Variants in DNAH3 observed in about 807,000 individuals in gnomAD.
DNAH3 encodes axonemal beta dynein heavy chain 3.
DNAH3 carries 332 observed loss-of-function variants against 432.5 expected under a neutral mutation model. That is an observed-to-expected ratio of 0.77 (90% CI 0.70 to 0.84). The LOEUF (loss-of-function observed/expected upper bound fraction) is 0.84. Among genes scored for constraint, DNAH3 ranks in the 40% least tolerant of loss-of-function variants. The pLI is 0.00. For missense variants in DNAH3, 4,861 were observed against 5,114.0 expected (o/e 0.95, Z 1.51); for synonymous variants, 1,956 against 1,900.2 (o/e 1.03, Z -0.76).
At chr16:21,095,958 T>C (rs925975639) in intron 18 of DNAH3, among the ~76,000 whole-genome samples, 1 of 152,036 alleles carries the variant, frequency 6.6e-6, no homozygotes, top group Non-Finnish European at 1.5e-5. Flanking sequence ...TTAGTAGAAA[T>C]AAGGTCTTGC....
intron 1 of DNAH3, among the ~76,000 whole-genome samples, chr16:21,152,956 C>T (rs1342978198): frequency 6.6e-6 from 1 of 152,212 alleles, no homozygotes; most frequent in Non-Finnish European, 1.5e-5. Flanking sequence ...CCAGTCCCAC[C>T]GACCACCCAA....
chr16:20,985,035 T>TTTC lies in DNAH3; in HGVS notation c.7665+39_7665+41dup. The TTTC allele has an allele frequency of 6.4e-7, 1 of 1,573,802 alleles. No individual in the cohort carries two copies. The highest frequency in any genetic ancestry group is 2.3e-4 in the Middle Eastern group (1 of 4,388). ...CCAGAAGAACAAGGGCAAATGGAGT[T>TTTC]TTCTTCTTCTTACCGAGGACAATGT... On this transcript the variant is annotated intron_variant, in intron 48 of 61. Coordinates refer to ENST00000261383, the Ensembl canonical transcript of DNAH3.
chr16:21,007,589 C>A (rs2087374245), intron 41 of DNAH3, among the ~76,000 whole-genome samples: 2 of 152,102 alleles, frequency 1.3e-5, no homozygotes, highest in African/African-American at 2.4e-5. Context: ...ATTATCATCA[C>A]TCTATATATT....
Position 20,987,321 on chromosome 16 carries a change from T to C in DNAH3, c.7010A>G (p.Lys2337Arg), listed in dbSNP as rs373150612. 6.1e-5 allele frequency: 98 copies of C among 1,614,080 alleles called. No homozygotes were observed. The highest frequency in any genetic ancestry group is 7.4e-5 in the Non-Finnish European group (87 of 1,180,040). The change falls in exon 47 of 62, where the codon AAG becomes AGG. Residue 2337 changes from lysine to arginine, a missense_variant. Physicochemically the swap from Lys to Arg is conservative, Grantham distance 26. Transcript: ENST00000261383. Reference sequence around the variant, plus strand: ...CTGGTTTACCTTCTCTATGGTCTGCTTGAAGCAATTGGAGGTGGTTTCCTT... The same window carrying C: ...CTGGTTTACCTTCTCTATGGTCTGCCTGAAGCAATTGGAGGTGGTTTCCTT...
At chr16:21,086,525 T>C (rs1236920414) in intron 19 of DNAH3, among the ~76,000 whole-genome samples, 1 of 152,164 alleles carries the variant, frequency 6.6e-6, no homozygotes, top group Non-Finnish European at 1.5e-5. Context: ...ACATCCCTGT[T>C]GCACCTTGGA....
Position 20,969,775 on chromosome 16 carries a change from G to A in DNAH3, c.8458+17C>T, listed in dbSNP as rs1335216915. 6.2e-7 allele frequency: 1 copy of A among 1,613,872 alleles called. No homozygotes were observed. ...AAAGAGCAGCCTGTGCAGGCATCTGGGTGGGGTGGCACTTACCGGAGCCAC... is the reference window on the plus strand; with the variant it reads ...AAAGAGCAGCCTGTGCAGGCATCTGAGTGGGGTGGCACTTACCGGAGCCAC... On this transcript the variant is annotated intron_variant, in intron 52 of 61. Transcript: ENST00000261383.
intron 18 of DNAH3, among the ~76,000 whole-genome samples, chr16:21,089,317 T>G (rs2091466308): frequency 2.0e-5 from 3 of 152,186 alleles, no homozygotes; most frequent in African/African-American, 7.2e-5. Context: ...GAGAGGGATA[T>G]GTCTAGCACA....
At chr16:20,984,571 G>A (rs1302551817) in intron 48 of DNAH3, among the ~76,000 whole-genome samples, 1 of 152,116 alleles carries the variant, frequency 6.6e-6, no homozygotes, top group Non-Finnish European at 1.5e-5. Flanking sequence ...ACGGGGGACA[G>A]GTTTGAAATT....
intron 8 of DNAH3, 36 bp downstream of exon 9, chr16:21,127,650 AC>A (rs756978548): frequency 1.2e-6 from 2 of 1,609,742 alleles, no homozygotes; most frequent in Non-Finnish European, 1.7e-6. Flanking sequence ...TCTTTAAGAT[AC>A]CATGGTGCAG....
intron 2 of DNAH3, 97 bp from the exon 4 acceptor site, chr16:21,145,503 C>T (rs1384517491): frequency 9.4e-7 from 1 of 1,059,772 alleles, no homozygotes; most frequent in East Asian, 2.5e-5. Flanking sequence ...TTCCAAGTGC[C>T]TTATGCTATG....
chr16:21,140,407 T>G, intron 5 of DNAH3, 129 bp downstream of exon 6: 1 of 952,864 alleles, frequency 1.0e-6, no homozygotes, highest in Non-Finnish European at 1.6e-6. Context: ...GTAGCCTGTC[T>G]TGGGTCTAGA....
intron 44 of DNAH3, 28 bp downstream of exon 44, chr16:20,997,255 A>G (rs2086801489): frequency 1.2e-6 from 2 of 1,606,504 alleles, no homozygotes; most frequent in Non-Finnish European, 1.7e-6. Context: ...ATGGAGGGAA[A>G]GAGGAATGAG....
intron 46 of DNAH3, 23 bp from the exon 47 acceptor site, chr16:20,987,471 T>C (rs1430617538): frequency 6.2e-7 from 1 of 1,613,380 alleles, no homozygotes; most frequent in Non-Finnish European, 8.5e-7. Flanking sequence ...AGTTAATTAT[T>C]CAAACGAGTG....
intron 21 of DNAH3, among the ~76,000 whole-genome samples, chr16:21,074,704 G>C (rs1341535061): frequency 6.6e-6 from 1 of 151,812 alleles, no homozygotes; most frequent in East Asian, 1.9e-4. Flanking sequence ...ACAGAGCAAG[G>C]CTCCATCTCA....
chr16:21,078,143 C>T (rs527951002), intron 20 of DNAH3, among the ~76,000 whole-genome samples: 5 of 151,818 alleles, frequency 3.3e-5, no homozygotes, highest in African/African-American at 4.8e-5. Flanking sequence ...GGCATGGTGG[C>T]GCACGCCTGT....
intron 28 of DNAH3, 63 bp downstream of exon 28, chr16:21,054,357 T>C (rs2090059925): frequency 7.9e-7 from 1 of 1,259,686 alleles, no homozygotes; most frequent in Non-Finnish European, 1.2e-6. Flanking sequence ...AGAACTGAGA[T>C]GAGCAAGACT....
chr16:21,057,975 GACCAA>G, intron 27 of DNAH3, 106 bp downstream of exon 27: 1 of 737,980 alleles, frequency 1.4e-6, no homozygotes, highest in Non-Finnish European at 2.4e-6. Flanking sequence ...GTGATGCTGA[GACCAA>G]ATGATTTTTG....
intron 33 of DNAH3, 132 bp from the exon 34 acceptor site, chr16:21,038,112 C>T: frequency 1.4e-6 from 1 of 702,384 alleles, no homozygotes; most frequent in Non-Finnish European, 2.4e-6. Context: ...AAGCCCTATC[C>T]TTTAAGGATA....
Position 20,985,677 on chromosome 16 carries a change from A to AT in DNAH3, c.7064dup (p.Asp2355GlufsTer2). 6.2e-7 allele frequency: 1 copy of AT among 1,614,088 alleles called. No individual in the cohort carries two copies. The highest frequency in any genetic ancestry group is 8.5e-7 in the Non-Finnish European group (1 of 1,179,952). On this transcript the variant is annotated frameshift_variant, in exon 48 of 62. Coordinates refer to ENST00000261383, the Ensembl canonical transcript of DNAH3. LOFTEE classifies it high-confidence loss of function. The stretch of plus-strand genomic sequence containing the variant: ...CAAAGAAGAGGCTTCGAATGTTATC[A>AT]TCGACTATCTTTCCAGTGGGTGACA...
Sources: gnomAD v4.1 joint callset for allele counts (sites outside exome capture counted in the v4.1 genomes callset) on GRCh38, gnomAD v4.1.1 for gene constraint, MANE v1.5 for transcripts, NCBI Gene and HGNC (gene_info 2026-07-23, HGNC 2026-07-21) for gene names.